APTX: variants seen among roughly 807,000 people sequenced by gnomAD.
APTX encodes forkhead-associated domain histidine triad-like protein.
APTX carries 33 observed loss-of-function variants against 42.3 expected under a neutral mutation model. The ratio of observed to expected loss-of-function variants is 0.78; its 90% CI spans 0.59 to 1.04. APTX has a LOEUF of 1.04. APTX is among the 50% of genes least tolerant of loss of function. The probability of loss-of-function intolerance (pLI) is 0.00; values close to 1 mark genes in which losing one functional copy is unlikely to be tolerated. For missense variants in APTX, 421 were observed against 415.1 expected (o/e 1.01, Z -0.12); for synonymous variants, 130 against 146.7 (o/e 0.89, Z 0.82).
intron 1 of APTX, among the ~76,000 whole-genome samples, chr9:33,013,048 T>C (rs1010581927): frequency 6.6e-6 from 1 of 152,222 alleles, no homozygotes; most frequent in Non-Finnish European, 1.5e-5. Flanking sequence ...CACCCTGACA[T>C]ATAGTAGGTA....
intron 1 of APTX, among the ~76,000 whole-genome samples, chr9:32,996,278 CT>C (rs112456184): frequency 6.3e-5 from 9 of 142,904 alleles, no homozygotes; most frequent in African/African-American, 1.6e-4. Flanking sequence ...ATAAATCGCT[CT>C]TTTTTTTTTT....
chr9:33,020,901 G>A (rs4472603), intron 1 of APTX, among the ~76,000 whole-genome samples: 10,736 of 151,950 alleles, frequency 0.071, 514 homozygotes, highest in Non-Finnish European at 0.11. Flanking sequence ...AGGCCGAGGC[G>A]GGCAGATCAC....
At chr9:33,022,607 G>C (rs1838473667) in intron 1 of APTX, among the ~76,000 whole-genome samples, 1 of 152,184 alleles carries the variant, frequency 6.6e-6, no homozygotes, top group South Asian at 2.1e-4. Flanking sequence ...ACTGGAAATT[G>C]CTGAAATATT....
chr9:33,001,492 G>A, intron 1 of APTX, 75 bp downstream of exon 1: 1 of 1,607,796 alleles, frequency 6.2e-7, no homozygotes, highest in Non-Finnish European at 8.5e-7. Context: ...TCAAGGGTAG[G>A]AGCAGCCTCG....
intron 1 of APTX, chr9:33,019,877 G>A: frequency 1.6e-6 from 1 of 608,954 alleles, no homozygotes; most frequent in Non-Finnish European, 3.0e-6. Flanking sequence ...GTGGGGTTCG[G>A]CATCTGGAGC....
intron 1 of APTX, chr9:33,019,752 A>G: frequency 1.7e-6 from 1 of 591,638 alleles, no homozygotes; most frequent in Non-Finnish European, 2.9e-6. Flanking sequence ...ACCACCAGAG[A>G]AAGATGGTCG....
intron 2 of APTX, among the ~76,000 whole-genome samples, chr9:32,988,688 A>T (rs894983940): frequency 5.0e-5 from 2 of 39,898 alleles, no homozygotes; most frequent in African/African-American, 8.0e-5. Context: ...CTCAGGAGGA[A>T]AAAAAAAAAA....
chr9:33,003,102 T>A (rs749420409), upstream of APTX, among the ~76,000 whole-genome samples: 5 of 152,328 alleles, frequency 3.3e-5, no homozygotes, highest in Non-Finnish European at 7.3e-5. Flanking sequence ...TTCCCTCAAT[T>A]AAGCATCCCT....
Position 33,001,582 on chromosome 9 carries a change from A to G in APTX, c.-20T>C, listed in dbSNP as rs1318506448. ...ACCGCCTTACCTCCAGAAGTCGGAG[A>G]CGGACAAATTCACGTTACTCATCTG... On this transcript the variant is annotated 5_prime_UTR_variant, in exon 1 of 8. Transcript: ENST00000379817. The G allele has an allele frequency of 2.5e-6, 4 of 1,613,866 alleles. No homozygotes were observed. The highest frequency in any genetic ancestry group is 3.4e-6 in the Non-Finnish European group (4 of 1,180,032).
At chr9:32,995,875 G>A (rs1241543377) in intron 1 of APTX, among the ~76,000 whole-genome samples, 6 of 145,032 alleles carry the variant, frequency 4.1e-5, no homozygotes, top group Non-Finnish European at 7.6e-5. Flanking sequence ...GCGACAGAGC[G>A]AGTCTCCGTC....
rs745583301 is a variant in APTX, at chr9:32,989,850, G to C, written c.42C>G (p.His14Gln). 3.1e-6 allele frequency: 5 copies of C among 1,614,110 alleles called. No homozygotes were observed. ...CCAAATGTGGAAGTCTGATTCGCTG[G>C]TGCCGGCTGTCCTGTCTCACCAACC... ...VCWLVRQDSRHQRIRLPHLEA... is the reference protein window; with the variant it reads ...VCWLVRQDSRQQRIRLPHLEA... Residue 14 changes from histidine (H) to glutamine (Q), a missense_variant, in exon 2 of 8, where the codon CAC (histidine) becomes CAG (glutamine). Physicochemically the swap from His to Gln is conservative, Grantham distance 24. Coordinates refer to ENST00000379817, the MANE Select transcript of APTX (RefSeq NM_001195248.2).
In APTX at chr9:32,987,608, G is replaced by A; in HGVS notation, c.419C>T (p.Pro140Leu). 6.2e-7 allele frequency: 1 copy of A among 1,614,154 alleles called. No homozygotes were observed. Among genetic ancestry groups the A allele is most frequent in the Non-Finnish European group, 8.5e-7 (1 of 1,180,034 alleles). The change falls in exon 4 of 8, where the codon CCT becomes CTT. Residue 140 changes from proline to leucine, a missense_variant. By Grantham distance (98) the Pro-to-Leu change is moderately conservative (BLOSUM62 -3). Coordinates refer to ENST00000379817, the MANE Select transcript of APTX (RefSeq NM_001195248.2). ...AGAGCATTGGCCAGAGTTGCTCCCA[G>A]GTTCCAGCCCTGTCCCAGCCTCAGC... is the stretch of plus-strand genomic sequence containing the variant. Reference protein sequence around the residue: ...QEAEAGTGLEPGSNSGQCSVP... With the variant: ...QEAEAGTGLELGSNSGQCSVP...
chr9:33,002,804 TTCA>T (rs751579520), upstream of APTX, among the ~76,000 whole-genome samples: 5 of 152,212 alleles, frequency 3.3e-5, no homozygotes, highest in Non-Finnish European at 7.3e-5. Context: ...AGTCACATTC[TTCA>T]TCAAGGTGGA....
chr9:32,976,082 G>A (rs563994424), intron 6 of APTX, among the ~76,000 whole-genome samples: 4 of 152,098 alleles, frequency 2.6e-5, no homozygotes, highest in Non-Finnish European at 4.4e-5. Context: ...AAAATGTAAT[G>A]GAAAGATCTG....
In APTX at chr9:32,986,050, A is replaced by AAC. The variant is rs773925500; in HGVS notation, c.484-21_484-20insGT. The AAC allele has an allele frequency of 5.6e-4, 372 of 664,338 alleles. 4 individuals carry two copies. The African/African-American group carries it at 8.2e-3, about 15-fold the overall frequency. The allele number at this position is 664,338 out of a possible 1,614,324, so 41.2% of individuals were successfully genotyped here. A position where few individuals can be genotyped will look rare whatever the true frequency, so the allele number is the denominator to read the frequency against. On this transcript the variant is annotated intron_variant, in intron 4 of 7. Coordinates refer to ENST00000379817, the MANE Select transcript of APTX (RefSeq NM_001195248.2). ...GGATTCCTAAAAAAAAAACAAAAAA[A>AAC]AAAACAAAAAAAAAAAAAAACAAGC... is the stretch of plus-strand genomic sequence containing the variant.
At chr9:32,995,728 A>C (rs1309541629) in intron 1 of APTX, among the ~76,000 whole-genome samples, 1 of 152,096 alleles carries the variant, frequency 6.6e-6, no homozygotes, top group Non-Finnish European at 1.5e-5. Context: ...TCTACTAAAA[A>C]TACAAAAAAA....
intron 1 of APTX, among the ~76,000 whole-genome samples, chr9:33,017,760 A>G (rs1217803306): frequency 6.6e-6 from 1 of 152,102 alleles, no homozygotes; most frequent in African/African-American, 2.4e-5. Context: ...GAAGCTCTCC[A>G]AACTCCTTTG....
intron 6 of APTX, among the ~76,000 whole-genome samples, chr9:32,982,149 T>C (rs921726450): frequency 2.6e-5 from 4 of 152,040 alleles, no homozygotes; most frequent in Admixed American, 1.3e-4. Context: ...ATCACTTCAG[T>C]GATTAAAAAA....
chr9:32,984,851 T>C lies in APTX; in HGVS notation c.550A>G (p.Lys184Glu). ...TTTATCACCACCACCTGCTCATCTT[T>C]GTAAACCTAGCAGAGGGATACAAGA... is the stretch of plus-strand genomic sequence containing the variant. ...SMQDPKMQVY[K>E]DEQVVVIKDK... The change falls in exon 6 of 8, where the codon AAA (lysine) becomes GAA (glutamate). Residue 184 changes from lysine to glutamate, a missense_variant. Physicochemically the swap from Lys to Glu is moderately conservative, Grantham distance 56 (BLOSUM62 1). Transcript: ENST00000379817. 1.2e-6 allele frequency: 2 copies of C among 1,613,874 alleles called. No individual in the cohort carries two copies. The highest frequency in any genetic ancestry group is 1.7e-6 in the Non-Finnish European group (2 of 1,179,700).
Sources: allele counts gnomAD v4.1 joint callset (sites outside exome capture counted in the v4.1 genomes callset), GRCh38; gene constraint gnomAD v4.1.1; transcripts MANE v1.5; gene names NCBI Gene and HGNC (gene_info 2026-07-23, HGNC 2026-07-21).